The following DPH7 variants were observed in gnomAD, a reference collection of about 807,000 sequenced individuals.
DPH7 encodes diphthamide biosynthesis 7.
In DPH7, 44 loss-of-function variants were observed where a neutral mutation model predicts 41.7. That is an observed-to-expected ratio of 1.05 (90% confidence interval 0.83 to 1.36). DPH7 has a LOEUF of 1.36. DPH7 is among the 40% of genes most tolerant of loss of function. The probability of loss-of-function intolerance (pLI) is 0.00; values close to 1 mark genes in which losing one functional copy is unlikely to be tolerated. For missense variants in DPH7, 629 were observed against 577.5 expected (o/e 1.09, Z -0.91); for synonymous variants, 275 against 238.0 (o/e 1.16, Z -1.43).
At chr9:137,557,784 A>C (rs899866140) in intron 8 of DPH7, among the ~76,000 whole-genome samples, 22 of 151,894 alleles carry the variant, frequency 1.4e-4, no homozygotes, top group African/African-American at 5.3e-4. Flanking sequence ...ACCCCACTGC[A>C]CTCCAGCCTG....
At position 137,554,645 on chromosome 9, in the gene DPH7, G is replaced by A. The variant is rs1302351686; in HGVS notation, c.*594C>T. Among the ~76,000 whole-genome samples, 1 of 152,060 alleles carries A rather than the reference G, an allele frequency of 6.6e-6. No homozygotes were observed. The highest frequency in any genetic ancestry group is 1.5e-5 in the Non-Finnish European group (1 of 68,016). The stretch of plus-strand genomic sequence containing the variant: ...TATAGAGACTGGGTTTTGCTATGTT[G>A]CCCAGGCTGGTCTTGAACTCCAGGC... On this transcript the variant is annotated 3_prime_UTR_variant, in exon 9 of 9. Coordinates refer to ENST00000277540, the MANE Select transcript of DPH7 (RefSeq NM_138778.5).
chr9:137,577,949 C>T, intron 1 of DPH7: 1 of 984,046 alleles, frequency 1.0e-6, no homozygotes, highest in Non-Finnish European at 1.2e-6. Context: ...AGATATAATT[C>T]CCACTTTCTC....
At chr9:137,559,435 T>C (rs1285185125) in intron 8 of DPH7, among the ~76,000 whole-genome samples, 3 of 152,182 alleles carry the variant, frequency 2.0e-5, no homozygotes, top group Non-Finnish European at 4.4e-5. Flanking sequence ...CGGGGGAGTT[T>C]AGAGAAAACT....
intron 8 of DPH7, among the ~76,000 whole-genome samples, chr9:137,561,034 A>AG (rs1554792986): frequency 7.7e-6 from 1 of 129,520 alleles, no homozygotes; most frequent in Non-Finnish European, 1.6e-5. Context: ...AAAAAAAAAA[A>AG]AAAAAAAGAA....
In DPH7 at chr9:137,574,385, A is replaced by G; in HGVS notation, c.468-5T>C. Reference sequence around the variant, plus strand: ...TTCAAGGGCTGGTCCCCGGCCCTAGACACAGGGAACCCATGAAGAAGCCCG... The same window carrying G: ...TTCAAGGGCTGGTCCCCGGCCCTAGGCACAGGGAACCCATGAAGAAGCCCG... On this transcript the variant is annotated splice_polypyrimidine_tract_variant and splice_region_variant and intron_variant, in intron 4 of 8. Coordinates refer to ENST00000277540, the MANE Select transcript of DPH7 (RefSeq NM_138778.5). 6.2e-7 allele frequency: 1 copy of G among 1,611,964 alleles called. No individual in the cohort carries two copies. The highest frequency in any genetic ancestry group is 8.5e-7 in the Non-Finnish European group (1 of 1,178,606).
intron 5 of DPH7, among the ~76,000 whole-genome samples, chr9:137,571,619 C>T (rs145371387): frequency 6.6e-6 from 1 of 151,934 alleles, no homozygotes; most frequent in Non-Finnish European, 1.5e-5. Flanking sequence ...AAAACCGCAT[C>T]TCTACTAAAA....
chr9:137,574,948 T>C lies in DPH7; in HGVS notation c.376-105A>G, dbSNP rs907233944. The C allele has an allele frequency of 1.8e-5, 28 of 1,549,166 alleles. No homozygotes were observed. In the Admixed American group the frequency reaches 2.0e-4, roughly 11 times the overall value. On this transcript the variant is annotated intron_variant, in intron 3 of 8. Transcript: ENST00000277540. The stretch of plus-strand genomic sequence containing the variant: ...AGTCATCGTTCCCTCATTTACAACC[T>C]ATGCGAATGAAGTACATCAGTCACT...
intron 5 of DPH7, among the ~76,000 whole-genome samples, chr9:137,573,831 G>A (rs1248409873): frequency 6.6e-6 from 1 of 152,158 alleles, no homozygotes; most frequent in Non-Finnish European, 1.5e-5. Flanking sequence ...ACTTTGGGAG[G>A]CTGAGGTGGG....
chr9:137,573,472 A>G (rs1305178323), intron 5 of DPH7, among the ~76,000 whole-genome samples: 1 of 148,774 alleles, frequency 6.7e-6, no homozygotes, highest in Non-Finnish European at 1.5e-5. Context: ...AGGTCAGGAG[A>G]TCGAGACCAT....
rs2132748173 is a variant in DPH7 at position 137,555,560 on chromosome 9, A to G, written c.1038T>C (p.Arg346=). ...YGADWSWLLF[R]SLQRAPSWSF... is the part of the protein sequence containing the mutation. Reference sequence around the variant, plus strand: ...ACCACGAGGGGGCCCGCTGCAGAGAACGGAAGAGCAGCCAGGACCAGTCGG... The same window carrying G: ...ACCACGAGGGGGCCCGCTGCAGAGAGCGGAAGAGCAGCCAGGACCAGTCGG... The change falls in exon 9 of 9, where the codon CGT becomes CGC. Residue 346 remains arginine, a synonymous_variant. Coordinates refer to ENST00000277540, the MANE Select transcript of DPH7 (RefSeq NM_138778.5). 1 of 1,613,892 alleles carries G rather than the reference A, an allele frequency of 6.2e-7. No individual in the cohort carries two copies. Among genetic ancestry groups the G allele is most frequent in the Non-Finnish European group, 8.5e-7 (1 of 1,179,976 alleles).
chr9:137,578,370 G>C, intron 1 of DPH7: 1 of 336,540 alleles, frequency 3.0e-6, no homozygotes, highest in South Asian at 6.0e-5. Context: ...GTTTCACCAT[G>C]TTAGCCAGGA....
chr9:137,577,326 C>G (rs1841583105), intron 2 of DPH7, 144 bp downstream of exon 2: 11 of 819,932 alleles, frequency 1.3e-5, no homozygotes, highest in Non-Finnish European at 1.8e-5. Flanking sequence ...AAAGCACTCC[C>G]CAGGTGGAAG....
At chr9:137,572,006 G>A (rs1300813986) in intron 5 of DPH7, among the ~76,000 whole-genome samples, 1 of 152,130 alleles carries the variant, frequency 6.6e-6, no homozygotes, top group Non-Finnish European at 1.5e-5. Context: ...GAGACCTCAA[G>A]AAATGAGATC....
chr9:137,561,423 C>T (rs1396338793), intron 8 of DPH7, among the ~76,000 whole-genome samples: 1 of 151,686 alleles, frequency 6.6e-6, no homozygotes, highest in Non-Finnish European at 1.5e-5. Context: ...GCCTGTATTC[C>T]CAGCTACTCG....
intron 3 of DPH7, chr9:137,575,069 T>C: frequency 7.6e-7 from 1 of 1,323,502 alleles, no homozygotes; most frequent in Non-Finnish European, 9.7e-7. Flanking sequence ...GCAGGACAAC[T>C]TTCCCACAGG....
Position 137,576,623 on chromosome 9 carries a change from G to T in DPH7, c.288-456C>A, listed in dbSNP as rs1350469900. ...AGGTGTGGTAAGGCCAGGCGTCGTG[G>T]CTCACGCCTGTAATCCCAGCACGTT... is the stretch of plus-strand genomic sequence containing the variant. On this transcript the variant is annotated intron_variant, in intron 2 of 8. Coordinates refer to ENST00000277540, the MANE Select transcript of DPH7 (RefSeq NM_138778.5). Among the ~76,000 whole-genome samples the T allele has an allele frequency of 2.6e-5, 4 of 152,318 alleles. No homozygotes were observed. In the East Asian group the frequency reaches 7.7e-4, roughly 29 times the overall value.
chr9:137,569,481 C>A (rs1379417048), intron 5 of DPH7, among the ~76,000 whole-genome samples: 1 of 138,444 alleles, frequency 7.2e-6, no homozygotes, highest in East Asian at 2.4e-4. Flanking sequence ...ATCCATCCAT[C>A]CAACAATCCA....
In DPH7 at chr9:137,578,837, G is replaced by A; in HGVS notation, c.-60C>T. On this transcript the variant is annotated 5_prime_UTR_variant, in exon 1 of 9. Transcript: ENST00000277540. ...GAGGCGGGTCGGCGGGGCCGGGCTG[G>A]GTACTGCGCGGGGCGGCGAGGCCGG... 7.4e-7 allele frequency: 1 copy of A among 1,345,116 alleles called. No homozygotes were observed. The highest frequency in any genetic ancestry group is 9.6e-7 in the Non-Finnish European group (1 of 1,044,676). 83.3% of individuals were successfully genotyped at this position (1,345,116 alleles called of 1,614,324 possible).
intron 8 of DPH7, among the ~76,000 whole-genome samples, chr9:137,557,322 AT>A (rs1837688504): frequency 6.6e-6 from 1 of 152,242 alleles, no homozygotes; most frequent in Non-Finnish European, 1.5e-5. Context: ...CCTGGTCAAC[AT>A]GGTGAAACCC....
Sources: gnomAD v4.1 joint callset for allele counts (sites outside exome capture counted in the v4.1 genomes callset) on GRCh38, gnomAD v4.1.1 for gene constraint, MANE v1.5 for transcripts, NCBI Gene and HGNC (gene_info 2026-07-23, HGNC 2026-07-21) for gene names.